The following KCTD8 variants were observed in gnomAD, a reference collection of about 807,000 sequenced individuals.
The protein encoded by KCTD8 is BTB/POZ domain-containing protein KCTD8.
Under a neutral mutation model 31.5 loss-of-function variants are expected in KCTD8, and 27 were observed. That is an observed-to-expected ratio of 0.86 (90% CI 0.63 to 1.18). The LOEUF (loss-of-function observed/expected upper bound fraction) is 1.18, where lower values mean the gene tolerates loss of function less well. Among genes scored for constraint, KCTD8 ranks in the 50% most tolerant of loss-of-function variants. The pLI, the probability that KCTD8 is intolerant of heterozygous loss-of-function variation, is 0.00. For synonymous variants in KCTD8, 290 were observed against 280.0 expected (o/e 1.04, Z -0.36); for missense variants, 658 against 647.7 (o/e 1.02, Z -0.17).
At chr4:44,353,311 T>C (rs559123060) in intron 1 of KCTD8, among the ~76,000 whole-genome samples, 2 of 152,164 alleles carry the variant, frequency 1.3e-5, no homozygotes, top group African/African-American at 4.8e-5. Context: ...GTTTTTATTA[T>C]TTATATATTT....
At chr4:44,312,343 G>A (rs1378148809) in intron 1 of KCTD8, among the ~76,000 whole-genome samples, 1 of 152,074 alleles carries the variant, frequency 6.6e-6, no homozygotes, top group East Asian at 1.9e-4. Context: ...GCAATAGAAA[G>A]GGCATTCAAG....
chr4:44,185,111 A>G (rs752790352), intron 1 of KCTD8, among the ~76,000 whole-genome samples: 2 of 152,236 alleles, frequency 1.3e-5, no homozygotes, highest in Non-Finnish European at 2.9e-5. Flanking sequence ...AAATAATTTT[A>G]TTGCCTTTCT....
chr4:44,350,535 TAGC>T (rs1719169627), intron 1 of KCTD8, among the ~76,000 whole-genome samples: 1 of 152,168 alleles, frequency 6.6e-6, no homozygotes, highest in East Asian at 1.9e-4. Context: ...ACACTTGAAA[TAGC>T]AGCTCCTAAA....
intron 1 of KCTD8, among the ~76,000 whole-genome samples, chr4:44,218,032 C>T (rs999180747): frequency 6.6e-6 from 1 of 151,810 alleles, no homozygotes; most frequent in South Asian, 2.1e-4. Flanking sequence ...TAGTTCTGTC[C>T]CTCTGCAGGA....
In KCTD8 at chr4:44,272,729, G is replaced by A. The variant is rs1716649335; in HGVS notation, c.962-97479C>T. Among the ~76,000 whole-genome samples, 3 of 152,054 alleles carry A rather than the reference G, an allele frequency of 2.0e-5. No individual in the cohort carries two copies. In the South Asian group the frequency reaches 6.2e-4, roughly 31 times the overall value. Reference sequence around the variant, plus strand: ...TTTATGTTAGTCATGAATCAGGCATGATGTCAGACCCTAGGGAGACAATGA... The same window carrying A: ...TTTATGTTAGTCATGAATCAGGCATAATGTCAGACCCTAGGGAGACAATGA... On this transcript the variant is annotated intron_variant, in intron 1 of 1. Coordinates refer to ENST00000360029, the MANE Select transcript of KCTD8 (RefSeq NM_198353.3).
intron 1 of KCTD8, chr4:44,293,752 T>C (rs779255786): frequency 2.3e-6 from 1 of 442,026 alleles, no homozygotes; most frequent in Non-Finnish European, 4.5e-6. Context: ...TTGTTGAAAA[T>C]ATTGAAACAT....
At chr4:44,434,758 T>G (rs961899142) in intron 1 of KCTD8, among the ~76,000 whole-genome samples, 1 of 151,948 alleles carries the variant, frequency 6.6e-6, no homozygotes, top group East Asian at 1.9e-4. Context: ...TCAGACACAG[T>G]GCAAGACTTT....
chr4:44,399,607 A>G (rs918578117), intron 1 of KCTD8, among the ~76,000 whole-genome samples: 2 of 152,188 alleles, frequency 1.3e-5, no homozygotes, highest in African/African-American at 4.8e-5. Flanking sequence ...TTGGTCCCCC[A>G]GCATAATTCA....
chr4:44,328,216 C>T (rs1280160617), intron 1 of KCTD8, among the ~76,000 whole-genome samples: 2 of 151,894 alleles, frequency 1.3e-5, no homozygotes, highest in Non-Finnish European at 2.9e-5. Context: ...ATGTACTCTT[C>T]TTGTATGCAA....
chr4:44,246,030 AATAAT>A (rs1039707535), intron 1 of KCTD8, among the ~76,000 whole-genome samples: 9 of 152,094 alleles, frequency 5.9e-5, no homozygotes, highest in Non-Finnish European at 1.0e-4. Context: ...TATTAGAAAA[AATAAT>A]ATAATGTCTG....
At chr4:44,217,287 C>A (rs1287522968) in intron 1 of KCTD8, among the ~76,000 whole-genome samples, 1 of 152,134 alleles carries the variant, frequency 6.6e-6, no homozygotes, top group Non-Finnish European at 1.5e-5. Context: ...ATAAAGGAAT[C>A]TCTTGTATTA....
chr4:44,205,783 G>T (rs1297356422), intron 1 of KCTD8, among the ~76,000 whole-genome samples: 1 of 152,172 alleles, frequency 6.6e-6, no homozygotes, highest in African/African-American at 2.4e-5. Context: ...AAAATCATTG[G>T]AAGACTTGGG....
chr4:44,177,473 G>A (rs907444422), intron 1 of KCTD8, among the ~76,000 whole-genome samples: 7 of 152,120 alleles, frequency 4.6e-5, no homozygotes, highest in Non-Finnish European at 1.0e-4. Flanking sequence ...ATATCATCTT[G>A]AATTGTAACT....
intron 1 of KCTD8, among the ~76,000 whole-genome samples, chr4:44,375,591 C>T (rs1196288948): frequency 6.6e-6 from 1 of 152,052 alleles, no homozygotes; most frequent in Non-Finnish European, 1.5e-5. Context: ...ATTCCAGGTT[C>T]TCTTGAGCTC....
intron 1 of KCTD8, among the ~76,000 whole-genome samples, chr4:44,331,889 G>C (rs1718599632): frequency 6.6e-6 from 1 of 150,786 alleles, no homozygotes; most frequent in South Asian, 2.1e-4. Context: ...CAGAGAGAGA[G>C]AAAGCAAGAG....
At chr4:44,344,394 C>A (rs937802185) in intron 1 of KCTD8, among the ~76,000 whole-genome samples, 1 of 152,068 alleles carries the variant, frequency 6.6e-6, no homozygotes, top group Admixed American at 6.5e-5. Flanking sequence ...CTGTGTTGCC[C>A]AGCCTGGACT....
chr4:44,303,154 C>T (rs559201093), intron 1 of KCTD8, among the ~76,000 whole-genome samples: 62 of 152,218 alleles, frequency 4.1e-4, no homozygotes, highest in Admixed American at 1.8e-3. Context: ...CATCGATGTT[C>T]ATCAAGGATA....
rs145640523 is a variant in KCTD8, at chr4:44,235,085, C to CAATG, written c.962-59836_962-59835insCATT. ...CAAAACATAAGTAATCAACATTAAC[C>CAATG]ACGTTGACCAATGATGATGATGATG... On this transcript the variant is annotated intron_variant, in intron 1 of 1. Transcript: ENST00000360029. Among the ~76,000 whole-genome samples the CAATG allele has an allele frequency of 7.7e-3, 1,175 of 151,818 alleles. 15 individuals are homozygous for CAATG. The highest frequency in any genetic ancestry group is 0.027 in the African/African-American group (1,121 of 41,412).
chr4:44,202,523 A>T (rs1232419569), intron 1 of KCTD8, among the ~76,000 whole-genome samples: 1 of 152,190 alleles, frequency 6.6e-6, no homozygotes, highest in African/African-American at 2.4e-5. Context: ...AATTTTATGC[A>T]GAAACAGAAA....
Sources: allele counts gnomAD v4.1 joint callset (sites outside exome capture counted in the v4.1 genomes callset), GRCh38; gene constraint gnomAD v4.1.1; transcripts MANE v1.5; gene names NCBI Gene and HGNC (gene_info 2026-07-23, HGNC 2026-07-21).